Variants in PHKB observed in about 807,000 individuals in gnomAD.
PHKB encodes the protein phosphorylase kinase regulatory subunit beta.
Under a neutral mutation model 152.1 loss-of-function variants are expected in PHKB, and 122 were observed. That is an observed-to-expected ratio of 0.80 (90% CI 0.69 to 0.93). The LOEUF (loss-of-function observed/expected upper bound fraction) is 0.93. PHKB is among the 40% of genes least tolerant of loss of function. PHKB has a pLI of 0.00. For missense variants in PHKB, 1,304 were observed against 1,328.4 expected (o/e 0.98, Z 0.29); for synonymous variants, 436 against 464.9 (o/e 0.94, Z 0.80).
In PHKB at chr16:47,633,483, G is replaced by A. The variant is rs9921060; in HGVS notation, c.1459-7552G>A. ...GCTAAATAACCCTTCCAAAGGCATG[G>A]CATGAGGTGATCCAAGACTCGTGCC... On this transcript the variant is annotated intron_variant, in intron 14 of 30. Coordinates refer to ENST00000323584, the MANE Select transcript of PHKB (RefSeq NM_000293.3). Among the ~76,000 whole-genome samples, 636 of 152,280 alleles carry A rather than the reference G, an allele frequency of 4.2e-3. 6 individuals carry two copies. Among genetic ancestry groups the A allele is most frequent in the African/African-American group, 0.015 (606 of 41,556 alleles).
At chr16:47,594,511 C>A (rs1972084991) in intron 12 of PHKB, among the ~76,000 whole-genome samples, 1 of 152,052 alleles carries the variant, frequency 6.6e-6, no homozygotes, top group Admixed American at 6.6e-5. Flanking sequence ...TACAGGTCAC[C>A]AAAAATGCTA....
chr16:47,627,782 G>T (rs2151718656), intron 14 of PHKB, among the ~76,000 whole-genome samples: 2 of 152,244 alleles, frequency 1.3e-5, no homozygotes, highest in Admixed American at 1.3e-4. Flanking sequence ...ACATGTTGCT[G>T]CTTTGGCTTG....
chr16:47,659,156 G>A (rs186167070), intron 20 of PHKB, among the ~76,000 whole-genome samples: 3 of 152,028 alleles, frequency 2.0e-5, no homozygotes, highest in Non-Finnish European at 4.4e-5. Context: ...CTGCATATTC[G>A]GCCTTTCTCA....
rs1417803037 is a variant in PHKB at position 47,648,574 on chromosome 16, T to A, written c.1650T>A (p.Ser550=). Residue 550 remains serine (S), a synonymous_variant, in exon 17 of 31, where the codon TCT becomes TCA. Transcript: ENST00000323584. ...GTATCAATGAAAAGTTAGGACTCTCTGGAAGGCCAGACAGGCCCATTGGCT... is the reference window on the plus strand; with the variant it reads ...GTATCAATGAAAAGTTAGGACTCTCAGGAAGGCCAGACAGGCCCATTGGCT... ...QLGINEKLGL[S]GRPDRPIGCL... 6.8e-6 allele frequency: 11 copies of A among 1,613,300 alleles called. No homozygotes were observed. The highest frequency in any genetic ancestry group is 9.3e-6 in the Non-Finnish European group (11 of 1,179,390).
intron 7 of PHKB, among the ~76,000 whole-genome samples, chr16:47,575,242 A>C (rs533537534): frequency 1.3e-5 from 2 of 152,342 alleles, no homozygotes; most frequent in African/African-American, 2.4e-5. Context: ...ACACTGATAC[A>C]TTGTTGGTGG....
chr16:47,693,562 T>G, intron 28 of PHKB, 55 bp downstream of exon 28: 1 of 1,575,428 alleles, frequency 6.3e-7, no homozygotes, highest in Non-Finnish European at 8.7e-7. Context: ...GGGTAGTGAA[T>G]CCTTTCCTCT....
At chr16:47,522,673 A>G (rs553517154) in intron 6 of PHKB, among the ~76,000 whole-genome samples, 4 of 151,678 alleles carry the variant, frequency 2.6e-5, no homozygotes, top group East Asian at 1.9e-4. Flanking sequence ...AAATACAGGC[A>G]TTTTCAATTA....
chr16:47,694,789 C>T lies in PHKB; in HGVS notation c.2895+1282C>T, dbSNP rs576850065. On this transcript the variant is annotated intron_variant, in intron 28 of 30. Coordinates refer to ENST00000323584, the MANE Select transcript of PHKB (RefSeq NM_000293.3). The stretch of plus-strand genomic sequence containing the variant: ...AAGGCCTCCTGTCTGCCTACCTGGG[C>T]AGTGCACGCTCACAACCACTTGTTA... Among the ~76,000 whole-genome samples the T allele has an allele frequency of 2.6e-5, 4 of 152,278 alleles. No individual in the cohort carries two copies. The South Asian group carries it at 8.3e-4, about 32-fold the overall frequency.
At chr16:47,624,414 A>C (rs1972673136) in intron 14 of PHKB, among the ~76,000 whole-genome samples, 1 of 152,228 alleles carries the variant, frequency 6.6e-6, no homozygotes, top group Admixed American at 6.5e-5. Flanking sequence ...ACTTAAGTCA[A>C]AATTGTGCAA....
In PHKB at chr16:47,650,919, C is replaced by T. The variant is rs34667348; in HGVS notation, c.1969C>T (p.Gln657Ter). 1.7e-4 allele frequency: 271 copies of T among 1,604,920 alleles called. No homozygotes were observed. The highest frequency in any genetic ancestry group is 2.2e-4 in the Non-Finnish European group (253 of 1,171,708). ...GGVKVHVDRL[Q>*]TLISGAVVEQ... is the part of the protein sequence containing the mutation. ...AGTCAAAGTTCATGTGGATCGTCTA[C>T]AGGTAGCCTTCTGATTTTCAGTATG... The change falls in exon 20 of 31, where the codon CAG becomes TAG. Residue 657 changes from glutamine (Q) to a stop codon, truncating the protein, a stop_gained and splice_region_variant. Coordinates refer to ENST00000323584, the MANE Select transcript of PHKB (RefSeq NM_000293.3). LOFTEE classifies it high-confidence loss of function.
At chr16:47,578,090 C>T (rs1177061220) in intron 7 of PHKB, among the ~76,000 whole-genome samples, 1 of 152,020 alleles carries the variant, frequency 6.6e-6, no homozygotes, top group Non-Finnish European at 1.5e-5. Context: ...TTCCTCTGTC[C>T]TCATCATTCT....
intron 17 of PHKB, 104 bp downstream of exon 17, chr16:47,648,720 C>T: frequency 2.6e-6 from 2 of 777,192 alleles, no homozygotes; most frequent in Non-Finnish European, 4.7e-6. Context: ...ATTATGTACT[C>T]AGACTACTTA....
At chr16:47,613,791 GT>G (rs1972469448) in intron 14 of PHKB, among the ~76,000 whole-genome samples, 1 of 151,922 alleles carries the variant, frequency 6.6e-6, no homozygotes, top group Non-Finnish European at 1.5e-5. Context: ...TTCTTAACCC[GT>G]TGCAACTACT....
chr16:47,489,029 T>G (rs1970099942), intron 1 of PHKB, among the ~76,000 whole-genome samples: 2 of 152,142 alleles, frequency 1.3e-5, no homozygotes, highest in Non-Finnish European at 2.9e-5. Context: ...GTAAATTGCT[T>G]TGAGTAGTAT....
At chr16:47,663,321 G>T (rs974029729) in intron 23 of PHKB, among the ~76,000 whole-genome samples, 71 of 152,218 alleles carry the variant, frequency 4.7e-4, no homozygotes, top group African/African-American at 1.6e-3. Context: ...AGAGTCTACA[G>T]TATTTGTTCA....
At chr16:47,633,279 AT>A (rs1161646576) in intron 14 of PHKB, among the ~76,000 whole-genome samples, 2 of 152,164 alleles carry the variant, frequency 1.3e-5, no homozygotes, top group Admixed American at 6.5e-5. Flanking sequence ...TCAAGGGAAG[AT>A]TTGTGTATTG....
At chr16:47,481,242 T>C (rs139499421) in intron 1 of PHKB, among the ~76,000 whole-genome samples, 2 of 152,312 alleles carry the variant, frequency 1.3e-5, no homozygotes, top group Non-Finnish European at 2.9e-5. Context: ...TCATTCATTT[T>C]GGTTATGAAA....
chr16:47,467,992 T>C (rs1969698355), intron 1 of PHKB, among the ~76,000 whole-genome samples: 1 of 152,212 alleles, frequency 6.6e-6, no homozygotes, highest in African/African-American at 2.4e-5. Context: ...CTTATTCTTA[T>C]CCCAATCATG....
intron 11 of PHKB, 34 bp downstream of exon 11, chr16:47,593,591 T>C: frequency 8.2e-7 from 1 of 1,220,546 alleles, no homozygotes; most frequent in Non-Finnish European, 1.2e-6. Context: ...TTAAGCAAGC[T>C]TTTTCCTGAA....
Sources: gnomAD v4.1 joint callset for allele counts (sites outside exome capture counted in the v4.1 genomes callset) on GRCh38, gnomAD v4.1.1 for gene constraint, MANE v1.5 for transcripts, NCBI Gene and HGNC (gene_info 2026-07-23, HGNC 2026-07-21) for gene names.